The following PTBP3 variants were observed in gnomAD, a reference collection of about 807,000 sequenced individuals.
PTBP3 encodes the protein polypyrimidine tract-binding protein 3.
Under a neutral mutation model 58.7 loss-of-function variants are expected in PTBP3, and 20 were observed. The ratio of observed to expected loss-of-function variants is 0.34; its 90% CI spans 0.24 to 0.50. The LOEUF is 0.50. PTBP3 is among the 20% of genes least tolerant of loss of function. PTBP3 has a pLI of 0.98. For synonymous variants in PTBP3, 185 were observed against 219.8 expected (o/e 0.84, Z 1.40); for missense variants, 509 against 637.2 (o/e 0.80, Z 2.17).
intron 1 of PTBP3, among the ~76,000 whole-genome samples, chr9:112,320,315 T>TATATATATATATA (rs60292377): frequency 4.4e-4 from 12 of 27,064 alleles, no homozygotes; most frequent in East Asian, 2.7e-3. Flanking sequence ...TATATATATA[T>TATATATATATATA]TTTTTTTTAA....
the PTBP3 span, among the ~76,000 whole-genome samples, chr9:112,351,842 GTT>G: frequency 6.6e-6 from 1 of 151,846 alleles, no homozygotes; most frequent in Non-Finnish European, 1.5e-5. Flanking sequence ...TTTTGGTTTT[GTT>G]TTTTGAGCAC....
At chr9:112,323,271 G>A (rs1050436703) in intron 1 of PTBP3, among the ~76,000 whole-genome samples, 1 of 152,136 alleles carries the variant, frequency 6.6e-6, no homozygotes, top group African/African-American at 2.4e-5. Context: ...GACACCACAT[G>A]GGAGGATCCA....
chr9:112,375,676 A>G, the PTBP3 span, among the ~76,000 whole-genome samples: 1 of 152,106 alleles, frequency 6.6e-6, no homozygotes, highest in African/African-American at 2.4e-5. Context: ...CTTATTCCTC[A>G]GGTGCCTTCA....
chr9:112,293,250 AAAG>A (rs749904290), intron 2 of PTBP3, among the ~76,000 whole-genome samples: 84 of 152,334 alleles, frequency 5.5e-4, no homozygotes, highest in Admixed American at 7.8e-4. Context: ...ATGAAAAAGG[AAAG>A]AAGGATTCCT....
chr9:112,295,317 A>G (rs1056576346), intron 2 of PTBP3, among the ~76,000 whole-genome samples: 1 of 151,962 alleles, frequency 6.6e-6, no homozygotes, highest in Non-Finnish European at 1.5e-5. Flanking sequence ...CAGATCTGGA[A>G]TGGTGACAAT....
At chr9:112,369,178 T>G in the PTBP3 span, among the ~76,000 whole-genome samples, 11 of 151,988 alleles carry the variant, frequency 7.2e-5, no homozygotes, top group Non-Finnish European at 1.3e-4. Flanking sequence ...AAATTTGGGG[T>G]GGAAACCCCT....
chr9:112,237,276 A>G (rs1835471896), intron 7 of PTBP3, among the ~76,000 whole-genome samples: 2 of 152,226 alleles, frequency 1.3e-5, no homozygotes, highest in African/African-American at 4.8e-5. Context: ...CAGAAACATC[A>G]TATAGCAAAG....
At chr9:112,243,328 G>A (rs566804245) in intron 7 of PTBP3, among the ~76,000 whole-genome samples, 17 of 152,110 alleles carry the variant, frequency 1.1e-4, no homozygotes, top group Admixed American at 2.6e-4. Context: ...ATCACTTGAG[G>A]TGAGGCATTT....
At chr9:112,262,385 C>A in intron 5 of PTBP3, 50 bp downstream of exon 5, 1 of 1,430,574 alleles carries the variant, frequency 7.0e-7, no homozygotes, top group Non-Finnish European at 9.4e-7. Flanking sequence ...TCAAAAGTTT[C>A]AGAGGCCATA....
At chr9:112,243,576 G>A (rs1222305876) in intron 7 of PTBP3, among the ~76,000 whole-genome samples, 1 of 152,024 alleles carries the variant, frequency 6.6e-6, no homozygotes. Context: ...TTAGAAGAAA[G>A]GATATAAACT....
the PTBP3 span, among the ~76,000 whole-genome samples, chr9:112,365,916 A>G: frequency 6.6e-6 from 1 of 152,336 alleles, no homozygotes; most frequent in South Asian, 2.1e-4. Flanking sequence ...AGGGAAGCAG[A>G]GTTCTGAAAA....
At chr9:112,343,790 C>CA in the PTBP3 span, among the ~76,000 whole-genome samples, 12 of 143,212 alleles carry the variant, frequency 8.4e-5, no homozygotes, top group East Asian at 2.0e-4. Context: ...GACTCTATCT[C>CA]AAAAAAAAAA....
chr9:112,267,013 T>C (rs563856557), intron 4 of PTBP3, among the ~76,000 whole-genome samples: 1 of 152,374 alleles, frequency 6.6e-6, no homozygotes, highest in Non-Finnish European at 1.5e-5. Context: ...GCAGTAAATG[T>C]CGCTGTTTCA....
At chr9:112,234,989 T>G in intron 7 of PTBP3, 92 bp from the exon 8 acceptor site, 1 of 1,029,842 alleles carries the variant, frequency 9.7e-7, no homozygotes, top group Non-Finnish European at 1.4e-6. Context: ...AGTATATTAC[T>G]AACAAAGAGA....
intron 7 of PTBP3, among the ~76,000 whole-genome samples, chr9:112,239,886 G>C (rs903707588): frequency 7.1e-6 from 1 of 140,626 alleles, no homozygotes; most frequent in Non-Finnish European, 1.5e-5. Context: ...AGGGAGGCAA[G>C]GAAGGATCGA....
chr9:112,227,858 T>A (rs551685425), intron 11 of PTBP3, among the ~76,000 whole-genome samples: 1 of 152,066 alleles, frequency 6.6e-6, no homozygotes, highest in African/African-American at 2.4e-5. Flanking sequence ...CTGAGCAGAG[T>A]GCTATGAAGT....
Position 112,228,466 on chromosome 9 carries a change from T to C in PTBP3, c.1061A>G (p.Tyr354Cys), listed in dbSNP as rs1156870565. 8 of 1,588,948 alleles carry C rather than the reference T, an allele frequency of 5.0e-6. No homozygotes were observed. Among genetic ancestry groups the C allele is most frequent in the Admixed American group, 1.9e-5 (1 of 53,854 alleles). Residue 354 changes from tyrosine (Y) to cysteine (C), a missense_variant, in exon 11 of 14, where the codon TAT becomes TGT. Coordinates refer to ENST00000374257, the MANE Select transcript of PTBP3 (RefSeq NM_001163788.4). ...PHGLFILFGVYGDVHRVKIMF... is the reference protein window; with the variant it reads ...PHGLFILFGVCGDVHRVKIMF... ...AATCTTCACTCGATGTACATCACCA[T>C]AGACTCCTAATTAAAACAAAACAAA...
At chr9:112,305,083 T>A (rs1431331664) in intron 1 of PTBP3, among the ~76,000 whole-genome samples, 1 of 152,188 alleles carries the variant, frequency 6.6e-6, no homozygotes, top group African/African-American at 2.4e-5. Context: ...TAAGAAGCAT[T>A]TTTATTTTTA....
chr9:112,376,252 G>GTTTTT, the PTBP3 span, among the ~76,000 whole-genome samples: 10 of 75,008 alleles, frequency 1.3e-4, 3 homozygotes, highest in East Asian at 2.3e-3. Context: ...AGTTTATTAA[G>GTTTTT]TTTTTTTTTT....
Sources: gnomAD v4.1 joint callset for allele counts (sites outside exome capture counted in the v4.1 genomes callset) on GRCh38, gnomAD v4.1.1 for gene constraint, MANE v1.5 for transcripts, NCBI Gene and HGNC (gene_info 2026-07-23, HGNC 2026-07-21) for gene names.